The following CTDP1 variants were observed in gnomAD, a reference collection of about 807,000 sequenced individuals.
The protein encoded by CTDP1 is CTD phosphatase 1.
In CTDP1, 47 loss-of-function variants were observed where a neutral mutation model predicts 91.8. The ratio of observed to expected loss-of-function variants is 0.51; its 90% CI spans 0.41 to 0.65. The LOEUF is 0.65. Among genes scored for constraint, CTDP1 ranks in the 30% least tolerant of loss-of-function variants. The pLI is 0.00. For missense variants in CTDP1, 1,272 were observed against 1,373.7 expected (o/e 0.93, Z 1.17); for synonymous variants, 656 against 598.5 (o/e 1.10, Z -1.40).
chr18:79,718,307 C>T (rs1599262412), intron 10 of CTDP1, among the ~76,000 whole-genome samples: 1 of 152,224 alleles, frequency 6.6e-6, no homozygotes, highest in Non-Finnish European at 1.5e-5. Flanking sequence ...GCAGAGCACT[C>T]GGTCCTGGGA....
At position 79,715,240 on chromosome 18, in the gene CTDP1, G is replaced by A. The variant is rs2086180285; in HGVS notation, c.1780G>A (p.Glu594Lys). The change falls in exon 8 of 13, where the codon GAG becomes AAG. Residue 594 changes from glutamate (E) to lysine (K), a missense_variant. By Grantham distance (56) the Glu-to-Lys change is moderately conservative. This residue lies in a region of CTDP1 where 881 missense variants were observed against 911.6 expected (regional missense o/e 0.97). Transcript: ENST00000613122. ...TGAGGATGACCACCTCATCTACCTG[G>A]AGGAGATCCTGGTCCGTGTACACAC... The part of the protein sequence containing the change: ...TDEDDHLIYL[E>K]EILVRVHTDY... 1.2e-6 allele frequency: 2 copies of A among 1,610,942 alleles called. No homozygotes were observed. The highest frequency in any genetic ancestry group is 8.5e-7 in the Non-Finnish European group (1 of 1,178,702).
chr18:79,695,550 CGAG>C (rs1250718807), intron 2 of CTDP1, among the ~76,000 whole-genome samples: 1 of 152,268 alleles, frequency 6.6e-6, no homozygotes, highest in Non-Finnish European at 1.5e-5. Context: ...GCTGGAGGGC[CGAG>C]ACCTGTTTTC....
At chr18:79,736,182 C>T (rs1406520087) in intron 11 of CTDP1, 173 bp from the exon 12 acceptor site, 3 of 793,296 alleles carry the variant, frequency 3.8e-6, no homozygotes, top group Admixed American at 2.5e-5. Context: ...TTGCCCGGGG[C>T]TTTGTTAAGG....
At chr18:79,747,512 G>A (rs1043724932) in intron 12 of CTDP1, among the ~76,000 whole-genome samples, 7 of 152,238 alleles carry the variant, frequency 4.6e-5, no homozygotes, top group African/African-American at 1.4e-4. Context: ...CCAGCCCTGT[G>A]TTGTAGGTGG....
chr18:79,722,220 TCAAA>T (rs1214127026), intron 10 of CTDP1, among the ~76,000 whole-genome samples: 2 of 152,260 alleles, frequency 1.3e-5, no homozygotes, highest in Admixed American at 1.3e-4. Flanking sequence ...TTGAATGAAG[TCAAA>T]CACTTTTACT....
intron 6 of CTDP1, 27 bp from the exon 7 acceptor site, chr18:79,712,945 T>A (rs761006445): frequency 1.2e-6 from 2 of 1,610,574 alleles, no homozygotes; most frequent in African/African-American, 2.7e-5. Context: ...TTATTATTTT[T>A]TGTAAATTAT....
At chr18:79,747,815 A>G (rs754678497) in intron 12 of CTDP1, among the ~76,000 whole-genome samples, 2 of 152,154 alleles carry the variant, frequency 1.3e-5, no homozygotes, top group African/African-American at 4.8e-5. Flanking sequence ...GGCAGTGGCC[A>G]CGGGAACCCT....
intron 10 of CTDP1, among the ~76,000 whole-genome samples, chr18:79,727,733 T>A (rs2086479817): frequency 6.6e-6 from 1 of 152,178 alleles, no homozygotes; most frequent in Non-Finnish European, 1.5e-5. Context: ...TTTATCACCT[T>A]CATCCTCGTG....
chr18:79,701,570 T>A (rs188519520), intron 4 of CTDP1, among the ~76,000 whole-genome samples: 13 of 119,420 alleles, frequency 1.1e-4, no homozygotes, highest in East Asian at 4.8e-4. Flanking sequence ...AATAAATAAA[T>A]AAAAGAGCTA....
At chr18:79,690,526 C>T (rs1226010442) in intron 1 of CTDP1, among the ~76,000 whole-genome samples, 1 of 152,204 alleles carries the variant, frequency 6.6e-6, no homozygotes, top group Admixed American at 6.5e-5. Flanking sequence ...GGAGACGTTT[C>T]TCTGCCTGGA....
intron 1 of CTDP1, among the ~76,000 whole-genome samples, chr18:79,685,919 G>A (rs541428539): frequency 1.6e-4 from 25 of 152,130 alleles, no homozygotes; most frequent in African/African-American, 3.6e-4. Flanking sequence ...CCCTGTTGAC[G>A]CCTGCACTAT....
Position 79,736,528 on chromosome 18 carries a change from G to C in CTDP1, c.2747+7G>C, listed in dbSNP as rs767715803. ...CAGGGGGCCGGGGGCCCAGGTGAGT[G>C]CGGGGTCTGAGGTGGGAGGGGCCTG... On this transcript the variant is annotated splice_region_variant and intron_variant, in intron 12 of 12. Coordinates refer to ENST00000613122, the MANE Select transcript of CTDP1 (RefSeq NM_004715.5). 3 of 1,535,906 alleles carry C rather than the reference G, an allele frequency of 2.0e-6. No homozygotes were observed.
chr18:79,731,544 G>A (rs547605950), intron 11 of CTDP1, among the ~76,000 whole-genome samples: 92 of 152,226 alleles, frequency 6.0e-4, no homozygotes, highest in Admixed American at 9.8e-4. Context: ...TTTAAACCAC[G>A]GAGGCTTCTA....
intron 12 of CTDP1, among the ~76,000 whole-genome samples, chr18:79,738,280 G>C (rs926034872): frequency 2.6e-4 from 40 of 152,192 alleles, no homozygotes; most frequent in Non-Finnish European, 5.4e-4. Flanking sequence ...GCTTTGTCTT[G>C]CCCGCCTGTT....
intron 1 of CTDP1, among the ~76,000 whole-genome samples, chr18:79,685,966 A>T (rs1328109764): frequency 1.3e-5 from 2 of 152,238 alleles, no homozygotes; most frequent in African/African-American, 4.8e-5. Flanking sequence ...ATTTGTGCCT[A>T]AAATTTGGGG....
At position 79,715,961 on chromosome 18, in the gene CTDP1, G is replaced by A. The variant is rs188563904; in HGVS notation, c.2068+433G>A. On this transcript the variant is annotated intron_variant, in intron 8 of 12. Transcript: ENST00000613122. ...AAGGACACGTTGTGGCTGGGAGGGC[G>A]GAGGACAGGCCTGCTGTCTCCCGAC... Among the ~76,000 whole-genome samples, 9 of 152,306 alleles carry A rather than the reference G, an allele frequency of 5.9e-5. No individual in the cohort carries two copies. In the East Asian group the frequency reaches 1.2e-3, roughly 20 times the overall value.
chr18:79,688,881 C>A (rs1010124526), intron 1 of CTDP1, among the ~76,000 whole-genome samples: 2 of 152,228 alleles, frequency 1.3e-5, no homozygotes, highest in Non-Finnish European at 2.9e-5. Context: ...CTTAAAGTTG[C>A]AAGAACAGTG....
At chr18:79,742,021 G>T (rs2086787447) in intron 12 of CTDP1, among the ~76,000 whole-genome samples, 1 of 152,186 alleles carries the variant, frequency 6.6e-6, no homozygotes, top group Admixed American at 6.5e-5. Context: ...CATCCCAGTG[G>T]AAGAGGAAAT....
rs1300730635 is a variant in CTDP1 at position 79,715,034 on chromosome 18, A to C, written c.1574A>C (p.Asp525Ala). Residue 525 changes from aspartate to alanine, a missense_variant, in exon 8 of 13, where the codon GAC becomes GCC. This residue lies in a region of CTDP1 where 881 missense variants were observed against 911.6 expected (regional missense o/e 0.97). Coordinates refer to ENST00000613122, the MANE Select transcript of CTDP1 (RefSeq NM_004715.5). ...GEAEPGAHAPDKEPELGGQEE... is the reference protein window; with the variant it reads ...GEAEPGAHAPAKEPELGGQEE... ...GCCGAGCCTGGCGCGCATGCCCCGG[A>C]CAAGGAGCCTGAGCTGGGTGGGCAG... 6.2e-7 allele frequency: 1 copy of C among 1,606,500 alleles called. No homozygotes were observed.
Sources: allele counts gnomAD v4.1 joint callset (sites outside exome capture counted in the v4.1 genomes callset), GRCh38; gene constraint gnomAD v4.1.1; regional missense constraint gnomAD v4.1.1; transcripts MANE v1.5; gene names NCBI Gene and HGNC (gene_info 2026-07-23, HGNC 2026-07-21).